ZNF891: variants seen among roughly 807,000 people sequenced by gnomAD.
ZNF891 encodes the protein hCG1646157.
For missense variants in ZNF891, 589 were observed against 632.7 expected (o/e 0.93, Z 0.74); for synonymous variants, 199 against 209.0 (o/e 0.95, Z 0.41).
At position 133,110,653 on chromosome 12, in the gene ZNF891, T is replaced by G. The variant is rs983248243; in HGVS notation, c.*9631A>C. On this transcript the variant is annotated 3_prime_UTR_variant, in exon 2 of 2. Coordinates refer to ENST00000537226, the MANE Select transcript of ZNF891 (RefSeq NM_001277291.2). ...GAATTTTCTATCATACATCAATGTA[T>G]GTAAGGCAGGGGGCTAAGTGACTTG... 1 of 152,234 alleles carries G rather than the reference T, an allele frequency of 6.6e-6. No homozygotes were observed. Among genetic ancestry groups the G allele is most frequent in the Middle Eastern group, 3.2e-3 (1 of 316 alleles). The allele number at this position is 152,234 out of a possible 1,614,324, so 9.4% of individuals were successfully genotyped here. A position where few individuals can be genotyped will look rare whatever the true frequency, so the allele number is the denominator to read the frequency against.
Position 133,117,948 on chromosome 12 carries a change from T to A in ZNF891, c.*2336A>T, listed in dbSNP as rs1358334005. The A allele has an allele frequency of 7.5e-5, 2 of 26,606 alleles. No individual in the cohort carries two copies. The highest frequency in any genetic ancestry group is 1.9e-4 in the Non-Finnish European group (2 of 10,676). The allele number at this position is 26,606 out of a possible 1,614,324, so 1.6% of individuals were successfully genotyped here. The stretch of plus-strand genomic sequence containing the variant: ...TAAAAACATTTACCTTCACCTTCCT[T>A]TTTTTTTTTTTTTTTTTGAGATGAA... On this transcript the variant is annotated 3_prime_UTR_variant, in exon 2 of 2. Transcript: ENST00000537226.
At position 133,105,793 on chromosome 12, in the gene ZNF891, A is replaced by G; in HGVS notation, c.*14491T>C. 1 of 1,614,170 alleles carries G rather than the reference A, an allele frequency of 6.2e-7. No homozygotes were observed. Among genetic ancestry groups the G allele is most frequent in the Non-Finnish European group, 8.5e-7 (1 of 1,180,030 alleles). On this transcript the variant is annotated 3_prime_UTR_variant, in exon 2 of 2. Transcript: ENST00000537226. Reference sequence around the variant, plus strand: ...ATGAATGTGGAAAAACTTTTGGTCGACGCTTTTCCCTGGTGTTACACCAGA... The same window carrying G: ...ATGAATGTGGAAAAACTTTTGGTCGGCGCTTTTCCCTGGTGTTACACCAGA...
rs1955709895 is a variant in ZNF891 at position 133,115,389 on chromosome 12, T to TAAAAAAAAAAAAA, written c.*4894_*4895insTTTTTTTTTTTTT. 1 of 6,062 alleles carries TAAAAAAAAAAAAA rather than the reference T, an allele frequency of 1.6e-4. No homozygotes were observed. The allele number at this position is 6,062 out of a possible 1,614,324, so 0.4% of individuals were successfully genotyped here. A position where few individuals can be genotyped will look rare whatever the true frequency, so the allele number is the denominator to read the frequency against. Reference sequence around the variant, plus strand: ...GCCTGGGAAAAAGCAAAACTCCTTCTCAAAAAAAAAAAAAAAAAAAAAAAA... The same window carrying TAAAAAAAAAAAAA: ...GCCTGGGAAAAAGCAAAACTCCTTCTAAAAAAAAAAAAACAAAAAAAAAAAAAAAAAAAAAAAA... On this transcript the variant is annotated 3_prime_UTR_variant, in exon 2 of 2. Coordinates refer to ENST00000537226, the MANE Select transcript of ZNF891 (RefSeq NM_001277291.2).
In ZNF891 at chr12:133,120,916, G is replaced by T. The variant is rs1231228874; in HGVS notation, c.1003C>A (p.Leu335Ile). 6.5e-7 allele frequency: 1 copy of T among 1,537,280 alleles called. No homozygotes were observed. The highest frequency in any genetic ancestry group is 8.7e-7 in the Non-Finnish European group (1 of 1,146,906). ...CGKAFKRISN[L>I]TLYKKSHMGE... ...ATGTGACTTTTCTTGTATAAAGTAA[G>T]ATTAGAAATCCTTTTGAAGGCTTTT... Residue 335 changes from leucine to isoleucine, a missense_variant, in exon 2 of 2, where the codon CTT becomes ATT. By Grantham distance (5) the Leu-to-Ile change is conservative. Coordinates refer to ENST00000537226, the MANE Select transcript of ZNF891 (RefSeq NM_001277291.2).
intron 1 of ZNF891, among the ~76,000 whole-genome samples, chr12:133,123,717 A>G (rs538904798): frequency 2.0e-5 from 3 of 148,456 alleles, no homozygotes; most frequent in Admixed American, 1.4e-4. Flanking sequence ...TTGAAAAAAA[A>G]AAAACAAAAA....
Position 133,116,679 on chromosome 12 carries a change from G to C in ZNF891, c.*3605C>G, listed in dbSNP as rs759818580. 4 of 152,172 alleles carry C rather than the reference G, an allele frequency of 2.6e-5. No homozygotes were observed. Among genetic ancestry groups the C allele is most frequent in the Non-Finnish European group, 5.9e-5 (4 of 68,086 alleles). 9.4% of individuals were successfully genotyped at this position (152,172 alleles called of 1,614,324 possible). ...AATCTTCTGTATTCCTCAGGCCAAA[G>C]CCAGAAACCCTAAACCCCTGCCCTT... On this transcript the variant is annotated 3_prime_UTR_variant, in exon 2 of 2. Transcript: ENST00000537226.
In ZNF891 at chr12:133,106,287, C is replaced by T; in HGVS notation, c.*13997G>A. 1.9e-6 allele frequency: 3 copies of T among 1,614,170 alleles called. No individual in the cohort carries two copies. The highest frequency in any genetic ancestry group is 2.5e-6 in the Non-Finnish European group (3 of 1,180,028). On this transcript the variant is annotated 3_prime_UTR_variant, in exon 2 of 2. Coordinates refer to ENST00000537226, the MANE Select transcript of ZNF891 (RefSeq NM_001277291.2). ...TATGAATGTAATGAATGTAGGAAAG[C>T]TTTCCGTTGTCACTCATTCCTTATT...
rs146516174 is a variant in ZNF891 at position 133,118,468 on chromosome 12, G to T, written c.*1816C>A. 2 of 152,156 alleles carry T rather than the reference G, an allele frequency of 1.3e-5. No individual in the cohort carries two copies. Among genetic ancestry groups the T allele is most frequent in the African/African-American group, 4.8e-5 (2 of 41,528 alleles). 9.4% of individuals were successfully genotyped at this position (152,156 alleles called of 1,614,324 possible). A position where few individuals can be genotyped will look rare whatever the true frequency, so the allele number is the denominator to read the frequency against. ...GACACCTCCTCAATTCTAGAATTGC[G>T]TACCAACCTCTTCATCTGGATGTCT... On this transcript the variant is annotated 3_prime_UTR_variant, in exon 2 of 2. Transcript: ENST00000537226.
At chr12:133,129,619 T>C (rs1380375119) in intron 1 of ZNF891, among the ~76,000 whole-genome samples, 1 of 152,096 alleles carries the variant, frequency 6.6e-6, no homozygotes, top group Non-Finnish European at 1.5e-5. Flanking sequence ...GTGACCTGTT[T>C]TACAGAATAG....
At chr12:133,123,765 T>A (rs947300297) in intron 1 of ZNF891, among the ~76,000 whole-genome samples, 3 of 126,250 alleles carry the variant, frequency 2.4e-5, no homozygotes, top group African/African-American at 7.9e-5. Context: ...ACAACAAAGT[T>A]AGGCTTCCTC....
intron 1 of ZNF891, among the ~76,000 whole-genome samples, chr12:133,129,364 G>T (rs1397483914): frequency 6.6e-6 from 1 of 152,000 alleles, no homozygotes; most frequent in Non-Finnish European, 1.5e-5. Context: ...AGCTGGGCGT[G>T]GTGGCTCATG....
Position 133,111,185 on chromosome 12 carries a change from C to G in ZNF891, c.*9099G>C, listed in dbSNP as rs1223357795. The G allele has an allele frequency of 1.3e-5, 2 of 151,950 alleles. No homozygotes were observed. Among genetic ancestry groups the G allele is most frequent in the African/African-American group, 4.8e-5 (2 of 41,356 alleles). 9.4% of individuals were successfully genotyped at this position (151,950 alleles called of 1,614,324 possible). ...AGTGGCAAAAAGTGTAAAAAATTAT[C>G]TGGTATGTTAACAATTCTTTTAAGG... On this transcript the variant is annotated 3_prime_UTR_variant, in exon 2 of 2. Transcript: ENST00000537226.
rs1247720460 is a variant in ZNF891, at chr12:133,105,084, T to G, written c.*15200A>C. 6.6e-6 allele frequency among the ~76,000 whole-genome samples: 1 copy of G among 152,216 alleles called. No homozygotes were observed. Among genetic ancestry groups the G allele is most frequent in the Non-Finnish European group, 1.5e-5 (1 of 68,036 alleles). ...CCGCTTTTTTTTTCATTTAGATTATTATAAGATGTTCCAGAGGCACTAAGT... is the reference window on the plus strand; with the variant it reads ...CCGCTTTTTTTTTCATTTAGATTATGATAAGATGTTCCAGAGGCACTAAGT... On this transcript the variant is annotated 3_prime_UTR_variant, in exon 2 of 2. Transcript: ENST00000537226.
chr12:133,128,593 C>T (rs558335540), intron 1 of ZNF891, among the ~76,000 whole-genome samples: 31 of 152,290 alleles, frequency 2.0e-4, no homozygotes, highest in African/African-American at 5.3e-4. Context: ...GAGATCCTGC[C>T]ATTGCATTCC....
At chr12:133,124,083 A>G (rs933177791) in intron 1 of ZNF891, among the ~76,000 whole-genome samples, 1 of 152,226 alleles carries the variant, frequency 6.6e-6, no homozygotes, top group Admixed American at 6.5e-5. Flanking sequence ...GCCTTACCCT[A>G]TTATGTTTCA....
rs1955674355 is a variant in ZNF891 at position 133,110,361 on chromosome 12, A to G, written c.*9923T>C. 1.3e-5 allele frequency: 2 copies of G among 152,182 alleles called. No homozygotes were observed. The highest frequency in any genetic ancestry group is 4.1e-4 in the South Asian group (2 of 4,832). 9.4% of individuals were successfully genotyped at this position (152,182 alleles called of 1,614,324 possible). A position where few individuals can be genotyped will look rare whatever the true frequency, so the allele number is the denominator to read the frequency against. ...TTCATAAAGCTGCATGCCTTTATGTATTATTCTTCAGGAAAAAAAAGTTTT... is the reference window on the plus strand; with the variant it reads ...TTCATAAAGCTGCATGCCTTTATGTGTTATTCTTCAGGAAAAAAAAGTTTT... On this transcript the variant is annotated 3_prime_UTR_variant, in exon 2 of 2. Coordinates refer to ENST00000537226, the MANE Select transcript of ZNF891 (RefSeq NM_001277291.2).
chr12:133,115,604 C>T lies in ZNF891; in HGVS notation c.*4680G>A, dbSNP rs914329205. 4 of 151,784 alleles carry T rather than the reference C, an allele frequency of 2.6e-5. No homozygotes were observed. The highest frequency in any genetic ancestry group is 9.7e-5 in the African/African-American group (4 of 41,294). 9.4% of individuals were successfully genotyped at this position (151,784 alleles called of 1,614,324 possible). On this transcript the variant is annotated 3_prime_UTR_variant, in exon 2 of 2. Coordinates refer to ENST00000537226, the MANE Select transcript of ZNF891 (RefSeq NM_001277291.2). ...ATGTATTAGTTTTATTATTAAAAAC[C>T]ACAAAGTTTTTGTTTTGTTTTGTTT... is the stretch of plus-strand genomic sequence containing the variant.
chr12:133,111,247 A>C lies in ZNF891; in HGVS notation c.*9037T>G, dbSNP rs1955681207. The C allele has an allele frequency of 6.6e-6, 1 of 152,206 alleles. No homozygotes were observed. The highest frequency in any genetic ancestry group is 2.1e-4 in the South Asian group (1 of 4,832). 9.4% of individuals were successfully genotyped at this position (152,206 alleles called of 1,614,324 possible). A position where few individuals can be genotyped will look rare whatever the true frequency, so the allele number is the denominator to read the frequency against. ...AAAAAAATAAATTATGTAACCCAGC[A>C]CTTTGGGAGGCCAAGGCAGAAAGAT... On this transcript the variant is annotated 3_prime_UTR_variant, in exon 2 of 2. Transcript: ENST00000537226.
In ZNF891 at chr12:133,110,492, A is replaced by G. The variant is rs1955675660; in HGVS notation, c.*9792T>C. ...CAGAACAACAGATGCAATCAATATT[A>G]GTAAAGAATAGTCATGGGAGAATGA... On this transcript the variant is annotated 3_prime_UTR_variant, in exon 2 of 2. Coordinates refer to ENST00000537226, the MANE Select transcript of ZNF891 (RefSeq NM_001277291.2). The G allele has an allele frequency of 6.6e-6, 1 of 152,266 alleles. No homozygotes were observed. Among genetic ancestry groups the G allele is most frequent in the Non-Finnish European group, 1.5e-5 (1 of 68,052 alleles). 9.4% of individuals were successfully genotyped at this position (152,266 alleles called of 1,614,324 possible).
Sources: gnomAD v4.1 joint callset for allele counts (sites outside exome capture counted in the v4.1 genomes callset) on GRCh38, gnomAD v4.1.1 for gene constraint, MANE v1.5 for transcripts, NCBI Gene and HGNC (gene_info 2026-07-23, HGNC 2026-07-21) for gene names.